The following KRIT1 variants were observed in gnomAD, a reference collection of about 807,000 sequenced individuals.
KRIT1 encodes KRIT1 ankyrin repeat containing.
KRIT1 carries 45 observed loss-of-function variants against 95.8 expected under a neutral mutation model. The observed-to-expected ratio is 0.47, with a 90% CI of 0.37 to 0.60. The LOEUF is 0.60. KRIT1 is among the 20% of genes least tolerant of loss of function. The pLI is 0.00. For missense variants in KRIT1, 788 were observed against 877.5 expected (o/e 0.90, Z 1.29); for synonymous variants, 282 against 278.8 (o/e 1.01, Z -0.11).
chr7:92,222,520 C>T (rs953215875), intron 13 of KRIT1, among the ~76,000 whole-genome samples: 9 of 152,002 alleles, frequency 5.9e-5, no homozygotes, highest in East Asian at 3.9e-4. Context: ...AAAATGAACA[C>T]AAAAAATAAA....
intron 12 of KRIT1, among the ~76,000 whole-genome samples, chr7:92,225,409 G>A (rs546112796): frequency 6.6e-6 from 1 of 152,152 alleles, no homozygotes; most frequent in South Asian, 2.1e-4. Context: ...CTGGGTTCAA[G>A]CAATTCTCCT....
rs764572725 is a variant in KRIT1 at position 92,236,369 on chromosome 7, A to G, written c.485+44T>C. ...ATGACAACTAATTTCTACTATAAAC[A>G]TGTATTTGATTAATTAAAAGATACT... On this transcript the variant is annotated intron_variant, in intron 7 of 18. Coordinates refer to ENST00000394505, the MANE Select transcript of KRIT1 (RefSeq NM_194454.3). The G allele has an allele frequency of 3.0e-6, 4 of 1,318,154 alleles. No individual in the cohort carries two copies. In the African/African-American group the frequency reaches 5.8e-5, roughly 19 times the overall value. The allele number at this position is 1,318,154 out of a possible 1,614,324, so 81.7% of individuals were successfully genotyped here. A position where few individuals can be genotyped will look rare whatever the true frequency, so the allele number is the denominator to read the frequency against.
intron 14 of KRIT1, among the ~76,000 whole-genome samples, chr7:92,221,143 T>C (rs570365571): frequency 1.3e-5 from 2 of 152,292 alleles, no homozygotes; most frequent in East Asian, 3.9e-4. Flanking sequence ...TGAGTTAAGA[T>C]GAGCTACTTA....
chr7:92,233,280 G>C (rs928935447), intron 10 of KRIT1, among the ~76,000 whole-genome samples: 1 of 151,844 alleles, frequency 6.6e-6, no homozygotes, highest in South Asian at 2.1e-4. Context: ...AGAAACTCTA[G>C]AAATGATCTA....
Position 92,200,405 on chromosome 7 carries a change from C to T in KRIT1, c.*331G>A, listed in dbSNP as rs888560477. On this transcript the variant is annotated 3_prime_UTR_variant, in exon 19 of 19. Transcript: ENST00000394505. Reference sequence around the variant, plus strand: ...AGTCTTGCTGTGTCACCCAGGCTAGCGTGCCGTGGTGCAATCTTGGCTCAC... The same window carrying T: ...AGTCTTGCTGTGTCACCCAGGCTAGTGTGCCGTGGTGCAATCTTGGCTCAC... 7.9e-5 allele frequency: 23 copies of T among 289,438 alleles called. No homozygotes were observed. The highest frequency in any genetic ancestry group is 3.3e-4 in the Admixed American group (7 of 21,500). 17.9% of individuals were successfully genotyped at this position (289,438 alleles called of 1,614,324 possible). A position where few individuals can be genotyped will look rare whatever the true frequency, so the allele number is the denominator to read the frequency against.
rs535659913 is a variant in KRIT1 at position 92,224,152 on chromosome 7, T to TG, written c.1255-1175dup. On this transcript the variant is annotated intron_variant, in intron 12 of 18. Transcript: ENST00000394505. The stretch of plus-strand genomic sequence containing the variant: ...ATATTCCTTCTAATTTTCAGCACTT[T>TG]GTCATGTTAAATCCAAAGAGATACT... Among the ~76,000 whole-genome samples, 804 of 152,342 alleles carry TG rather than the reference T, an allele frequency of 5.3e-3. 18 individuals are homozygous for TG. The highest frequency in any genetic ancestry group is 6.6e-3 in the Non-Finnish European group (451 of 68,020).
intron 5 of KRIT1, among the ~76,000 whole-genome samples, chr7:92,238,899 T>C (rs1798983768): frequency 6.6e-6 from 1 of 152,028 alleles, no homozygotes; most frequent in African/African-American, 2.4e-5. Flanking sequence ...AATTTAAGAG[T>C]TTCATGTATA....
intron 5 of KRIT1, among the ~76,000 whole-genome samples, chr7:92,239,707 CTTTTTTTTTT>C (rs35969231): frequency 7.5e-6 from 1 of 132,612 alleles, no homozygotes; most frequent in South Asian, 2.4e-4. Context: ...TATGCAGGAA[CTTTTTTTTTT>C]TTTTTTTTTT....
At chr7:92,239,541 A>G (rs1483203541) in intron 5 of KRIT1, among the ~76,000 whole-genome samples, 1 of 152,146 alleles carries the variant, frequency 6.6e-6, no homozygotes, top group Non-Finnish European at 1.5e-5. Context: ...GCATCCAAAG[A>G]GAGTCTTCAC....
chr7:92,208,166 T>G (rs962702363), intron 17 of KRIT1, among the ~76,000 whole-genome samples: 1 of 151,462 alleles, frequency 6.6e-6, no homozygotes, highest in Non-Finnish European at 1.5e-5. Context: ...GCAATGAAAA[T>G]GAAAACACCA....
At chr7:92,229,130 G>A (rs1796779266) in intron 10 of KRIT1, among the ~76,000 whole-genome samples, 1 of 152,156 alleles carries the variant, frequency 6.6e-6, no homozygotes, top group South Asian at 2.1e-4. Flanking sequence ...TAGGTCAAAT[G>A]GGAGTTCTGT....
At chr7:92,224,465 T>G (rs1260774982) in intron 12 of KRIT1, among the ~76,000 whole-genome samples, 2 of 152,118 alleles carry the variant, frequency 1.3e-5, no homozygotes, top group Non-Finnish European at 2.9e-5. Context: ...AGTGAGACCC[T>G]GTCTCATAAA....
chr7:92,209,434 T>C (rs919654547), intron 17 of KRIT1, among the ~76,000 whole-genome samples: 3 of 152,126 alleles, frequency 2.0e-5, no homozygotes, highest in African/African-American at 7.2e-5. Context: ...TCTCTGCAGA[T>C]GACATGATCT....
At chr7:92,236,288 C>G (rs1584987678) in intron 7 of KRIT1, 125 bp downstream of exon 7, 1 of 679,064 alleles carries the variant, frequency 1.5e-6, no homozygotes, top group Non-Finnish European at 2.4e-6. Context: ...GAAAAACTTA[C>G]CATTTTTTAA....
intron 5 of KRIT1, among the ~76,000 whole-genome samples, chr7:92,238,034 G>C (rs1798796740): frequency 6.6e-6 from 1 of 152,162 alleles, no homozygotes; most frequent in Non-Finnish European, 1.5e-5. Context: ...TGAGAAGGCA[G>C]ATCAACAATG....
At position 92,234,586 on chromosome 7, in the gene KRIT1, T is replaced by C. The variant is rs200271499; in HGVS notation, c.852A>G (p.Arg284=). The C allele has an allele frequency of 6.2e-7, 1 of 1,613,062 alleles. No homozygotes were observed. Among genetic ancestry groups the C allele is most frequent in the East Asian group, 2.2e-5 (1 of 44,864 alleles). The change falls in exon 10 of 19, where the codon CGA becomes CGG. Residue 284 remains arginine, a synonymous_variant. Transcript: ENST00000394505. ...SMSSVTEDKE[R]QWVDDFPLHR... ...GGAGAGGAAAATCATCTACCCACTG[T>C]CGTTCCCTAATCATTAAAAAGAAAT...
At position 92,201,294 on chromosome 7, in the gene KRIT1, A is replaced by G. The variant is rs1459353910; in HGVS notation, c.2142+13T>C. On this transcript the variant is annotated intron_variant, in intron 18 of 18. Coordinates refer to ENST00000394505, the MANE Select transcript of KRIT1 (RefSeq NM_194454.3). ...CACAATAGTTTATGAAGTCCAAAATAAATGATACTTACCTGTTTTGTATGT... is the reference window on the plus strand; with the variant it reads ...CACAATAGTTTATGAAGTCCAAAATGAATGATACTTACCTGTTTTGTATGT... The G allele has an allele frequency of 8.5e-7, 1 of 1,181,364 alleles. No individual in the cohort carries two copies. The highest frequency in any genetic ancestry group is 1.3e-6 in the Non-Finnish European group (1 of 785,666). The allele number at this position is 1,181,364 out of a possible 1,614,324, so 73.2% of individuals were successfully genotyped here.
At chr7:92,240,626 T>G (rs1056463298) in intron 5 of KRIT1, among the ~76,000 whole-genome samples, 1 of 152,214 alleles carries the variant, frequency 6.6e-6, no homozygotes, top group Non-Finnish European at 1.5e-5. Flanking sequence ...CCTCTGCTAC[T>G]TGGTAATTTA....
intron 17 of KRIT1, among the ~76,000 whole-genome samples, chr7:92,203,450 T>C (rs374559797): frequency 2.2e-4 from 33 of 152,332 alleles, no homozygotes; most frequent in African/African-American, 7.7e-4. Context: ...TTTGGTTCAA[T>C]CACCTGTTTA....
Sources: allele counts gnomAD v4.1 joint callset (sites outside exome capture counted in the v4.1 genomes callset), GRCh38; gene constraint gnomAD v4.1.1; transcripts MANE v1.5; gene names NCBI Gene and HGNC (gene_info 2026-07-23, HGNC 2026-07-21).